Variants in AKAIN1 observed in about 807,000 individuals in gnomAD.
AKAIN1 encodes A-kinase anchor protein inhibitor 1.
Under a neutral mutation model 3.7 loss-of-function variants are expected in AKAIN1, and 3 were observed. The observed-to-expected ratio is 0.82, with a 90% CI of 0.37 to 2.12. AKAIN1 has a LOEUF of 2.12. AKAIN1 is among the 30% of genes most tolerant of loss of function. The pLI is 0.06. For missense variants in AKAIN1, 82 were observed against 82.7 expected, an observed-to-expected ratio of 0.99 and a Z score of 0.03; for synonymous variants, 31 against 30.8, an observed-to-expected ratio of 1.01 and a Z score of -0.02.
intron 1 of AKAIN1, among the ~76,000 whole-genome samples, chr18:5,182,423 C>G (rs191936541): frequency 6.6e-6 from 1 of 152,190 alleles, no homozygotes; most frequent in African/African-American, 2.4e-5. Context: ...CACTACCACT[C>G]TGGAAAACAG....
chr18:5,164,652 G>A (rs886448259), intron 1 of AKAIN1, among the ~76,000 whole-genome samples: 1 of 151,930 alleles, frequency 6.6e-6, no homozygotes, highest in African/African-American at 2.4e-5. Context: ...ATCCCCCTAT[G>A]GTCATGGGAG....
chr18:5,157,619 T>C (rs1462958938), intron 1 of AKAIN1, among the ~76,000 whole-genome samples: 2 of 152,222 alleles, frequency 1.3e-5, no homozygotes, highest in Non-Finnish European at 2.9e-5. Flanking sequence ...TCATCAAAGA[T>C]AAAATCTAGT....
chr18:5,165,900 T>A (rs1037641653), intron 1 of AKAIN1, among the ~76,000 whole-genome samples: 3 of 152,028 alleles, frequency 2.0e-5, no homozygotes, highest in African/African-American at 7.2e-5. Context: ...GGGCTGAGAA[T>A]AAAGTTATAG....
At chr18:5,197,682 C>T (rs73371915), upstream of AKAIN1, among the ~76,000 whole-genome samples, 72 of 152,110 alleles carry the variant, frequency 4.7e-4, no homozygotes, top group African/African-American at 1.7e-3. This position sits in a 1 kb window ranked among gnomAD's most constrained non-coding sequence, Gnocchi z 6.9. Context: ...AGAGGAAGGA[C>T]ACAGTGACTA....
chr18:5,174,738 CAA>C (rs113082512), intron 1 of AKAIN1, among the ~76,000 whole-genome samples: 2 of 145,076 alleles, frequency 1.4e-5, no homozygotes, highest in Non-Finnish European at 3.0e-5. Flanking sequence ...GAGATTCTGT[CAA>C]AAAAAAAAAT....
chr18:5,160,701 A>G (rs569262984), intron 1 of AKAIN1, among the ~76,000 whole-genome samples: 1 of 152,004 alleles, frequency 6.6e-6, no homozygotes, highest in African/African-American at 2.4e-5. Flanking sequence ...TACATTTGGT[A>G]CTTTAATCCA....
chr18:5,196,275 C>A (rs1353683092), intron 1 of AKAIN1, among the ~76,000 whole-genome samples: 1 of 152,212 alleles, frequency 6.6e-6, no homozygotes, highest in Non-Finnish European at 1.5e-5. Flanking sequence ...CACGCTTTTC[C>A]CCGCTTCCTC....
At chr18:5,149,566 A>T (rs376090) in intron 1 of AKAIN1, among the ~76,000 whole-genome samples, 87 of 152,312 alleles carry the variant, frequency 5.7e-4, no homozygotes, top group East Asian at 4.1e-3. Flanking sequence ...TGCTGCTACC[A>T]ACCAAGCACC....
At chr18:5,177,961 C>A (rs891242114) in intron 1 of AKAIN1, among the ~76,000 whole-genome samples, 1 of 152,044 alleles carries the variant, frequency 6.6e-6, no homozygotes, top group Admixed American at 6.6e-5. Flanking sequence ...ATGTTGTGGG[C>A]CCTGTCTTAT....
Position 5,157,845 on chromosome 18 carries a change from C to A in AKAIN1, c.17-12090G>T, listed in dbSNP as rs184780295. Among the ~76,000 whole-genome samples the A allele has an allele frequency of 5.5e-4, 83 of 152,148 alleles. No individual in the cohort carries two copies. The East Asian group carries it at 0.011, about 21-fold the overall frequency. On this transcript the variant is annotated intron_variant, in intron 1 of 1. Coordinates refer to ENST00000434239, the MANE Select transcript of AKAIN1 (RefSeq NM_001145194.2). ...GACTACAGGTGCATGCTACGACCAC[C>A]AGCTAATTTTTTAAATTTTTAATCT...
intron 1 of AKAIN1, among the ~76,000 whole-genome samples, chr18:5,155,177 C>T (rs150129841): frequency 6.6e-6 from 1 of 152,222 alleles, no homozygotes; most frequent in African/African-American, 2.4e-5. Flanking sequence ...CGAGCCACTG[C>T]ACGGGCCAGC....
Position 5,170,554 on chromosome 18 carries a change from T to C in AKAIN1, c.17-24799A>G, listed in dbSNP as rs551819818. 6 of 152,270 alleles carry C rather than the reference T, an allele frequency of 3.9e-5. No individual in the cohort carries two copies. The East Asian group carries it at 7.7e-4, about 20-fold the overall frequency. The allele number at this position is 152,270 out of a possible 1,614,324, so 9.4% of individuals were successfully genotyped here. ...CATTGTACATCCTCATTAATAACAA[T>C]AGCACACTTATATTTTATGTGTGTG... On this transcript the variant is annotated intron_variant, in intron 1 of 1. Coordinates refer to ENST00000434239, the MANE Select transcript of AKAIN1 (RefSeq NM_001145194.2).
At chr18:5,179,187 C>T (rs909131404) in intron 1 of AKAIN1, among the ~76,000 whole-genome samples, 9 of 152,080 alleles carry the variant, frequency 5.9e-5, no homozygotes, top group Admixed American at 5.2e-4. Flanking sequence ...TTTCTTATCT[C>T]GCACCCACTT....
At chr18:5,194,504 C>T (rs559863289) in intron 1 of AKAIN1, among the ~76,000 whole-genome samples, 2 of 152,246 alleles carry the variant, frequency 1.3e-5, no homozygotes, top group East Asian at 3.9e-4. Flanking sequence ...TCTAATTCCC[C>T]CTCATTCCAT....
At chr18:5,147,410 G>T (rs398629) in intron 1 of AKAIN1, among the ~76,000 whole-genome samples, 22,537 of 152,114 alleles carry the variant, frequency 0.15, 5,541 homozygotes, top group African/African-American at 0.51. Flanking sequence ...TTGGTTGAAG[G>T]GCAATCTGGA....
intron 1 of AKAIN1, among the ~76,000 whole-genome samples, chr18:5,162,371 AT>A (rs2071144308): frequency 1.3e-5 from 2 of 152,078 alleles, no homozygotes. Context: ...ACCTGGAGTC[AT>A]TTCAACTTCT....
At chr18:5,174,313 A>T in intron 1 of AKAIN1, among the ~76,000 whole-genome samples, 1 of 152,062 alleles carries the variant, frequency 6.6e-6, no homozygotes, top group East Asian at 1.9e-4. Context: ...GACTGTGAGG[A>T]CCACTCAGCT....
chr18:5,146,868 TG>T lies in AKAIN1; in HGVS notation c.17-1114del, dbSNP rs147445496. Among the ~76,000 whole-genome samples, 1,254 of 152,326 alleles carry T rather than the reference TG, an allele frequency of 8.2e-3. 17 individuals carry two copies. The highest frequency in any genetic ancestry group is 0.029 in the African/African-American group (1,188 of 41,572). ...CAGACCACAGGCCAGATTTGGCCCA[TG>T]GGCCAGTTTGTCAACCCCCAATCTG... On this transcript the variant is annotated intron_variant, in intron 1 of 1. Coordinates refer to ENST00000434239, the MANE Select transcript of AKAIN1 (RefSeq NM_001145194.2).
chr18:5,177,437 C>T (rs947689287), intron 1 of AKAIN1, among the ~76,000 whole-genome samples: 1 of 151,982 alleles, frequency 6.6e-6, no homozygotes, highest in African/African-American at 2.4e-5. Context: ...TTCCTGTACA[C>T]CGGCCTTATT....
Sources: allele counts gnomAD v4.1 joint callset (sites outside exome capture counted in the v4.1 genomes callset), GRCh38; gene constraint gnomAD v4.1.1; non-coding constraint Gnocchi (gnomAD v3.1); transcripts MANE v1.5; gene names NCBI Gene and HGNC (gene_info 2026-07-23, HGNC 2026-07-21).